Variants in JMJD1C observed in about 807,000 individuals in gnomAD.
JMJD1C encodes the protein jumonji domain containing 1C.
Under a neutral mutation model 245.3 loss-of-function variants are expected in JMJD1C, and 31 were observed. That is an observed-to-expected ratio of 0.13 (90% CI 0.09 to 0.17). JMJD1C has a LOEUF of 0.17. JMJD1C is among the 10% of genes least tolerant of loss of function. The pLI is 1.00. For synonymous variants in JMJD1C, 1,057 were observed against 1,017.4 expected, an observed-to-expected ratio of 1.04 and a Z score of -0.74; for missense variants, 2,691 against 3,000.2, an observed-to-expected ratio of 0.90 and a Z score of 2.41.
intron 1 of JMJD1C, among the ~76,000 whole-genome samples, chr10:63,483,594 T>C (rs541295460): frequency 2.6e-5 from 4 of 152,248 alleles, no homozygotes; most frequent in African/African-American, 4.8e-5. Context: ...AGTAGCATTA[T>C]AATAACAACC....
chr10:63,322,543 G>A (rs1053321736), intron 2 of JMJD1C, among the ~76,000 whole-genome samples: 3 of 151,998 alleles, frequency 2.0e-5, no homozygotes, highest in Non-Finnish European at 4.4e-5. Flanking sequence ...GGCCAGGCAC[G>A]GTGGCTCACA....
At chr10:63,358,154 G>C (rs933507691) in intron 2 of JMJD1C, among the ~76,000 whole-genome samples, 6 of 152,024 alleles carry the variant, frequency 3.9e-5, no homozygotes, top group African/African-American at 1.4e-4. Flanking sequence ...ACTTATAATG[G>C]AAAGGTCAAG....
intron 2 of JMJD1C, among the ~76,000 whole-genome samples, chr10:63,369,688 C>CA (rs1158037174): frequency 6.6e-6 from 1 of 152,158 alleles, no homozygotes. Flanking sequence ...TGTAGACGTT[C>CA]AAATATATTC....
chr10:63,488,674 A>G (rs1954074139), intron 1 of JMJD1C, among the ~76,000 whole-genome samples: 1 of 152,220 alleles, frequency 6.6e-6, no homozygotes. Context: ...AGTGTTTTAT[A>G]TGACTTATAT....
At chr10:63,392,453 T>A (rs1948128927) in intron 1 of JMJD1C, among the ~76,000 whole-genome samples, 1 of 152,088 alleles carries the variant, frequency 6.6e-6, no homozygotes, top group South Asian at 2.1e-4. Flanking sequence ...AGAAAGTATT[T>A]GCAAGCTACT....
At chr10:63,224,390 T>C (rs1848995469) in intron 3 of JMJD1C, among the ~76,000 whole-genome samples, 1 of 152,202 alleles carries the variant, frequency 6.6e-6, no homozygotes, top group Non-Finnish European at 1.5e-5. Flanking sequence ...AACTACCTGG[T>C]TAATTAAAAC....
chr10:63,382,846 T>C lies in JMJD1C; in HGVS notation c.169-2364A>G, dbSNP rs201592049. 5 of 455,952 alleles carry C rather than the reference T, an allele frequency of 1.1e-5. No individual in the cohort carries two copies. In the East Asian group the frequency reaches 3.5e-4, roughly 32 times the overall value. The allele number at this position is 455,952 out of a possible 1,614,324, so 28.2% of individuals were successfully genotyped here. A position where few individuals can be genotyped will look rare whatever the true frequency, so the allele number is the denominator to read the frequency against. ...ACTTATTTGAATCATGGTTGCTCTT[T>C]TGGCCTAGCTCAAGTTCTTCCATGA... On this transcript the variant is annotated intron_variant, in intron 1 of 25. Coordinates refer to ENST00000399262, the MANE Select transcript of JMJD1C (RefSeq NM_032776.3).
chr10:63,242,571 CAA>C (rs763597697), intron 3 of JMJD1C, among the ~76,000 whole-genome samples: 38 of 152,190 alleles, frequency 2.5e-4, no homozygotes, highest in Non-Finnish European at 4.6e-4. Context: ...TCTAAAAATA[CAA>C]AAATTAGCTG....
chr10:63,506,239 G>C (rs1433565663), intron 1 of JMJD1C, among the ~76,000 whole-genome samples: 1 of 152,172 alleles, frequency 6.6e-6, no homozygotes, highest in African/African-American at 2.4e-5. Context: ...AGGAAATGTT[G>C]ATGAGAAGAA....
intron 3 of JMJD1C, among the ~76,000 whole-genome samples, chr10:63,264,182 C>G (rs1245206042): frequency 6.6e-6 from 1 of 151,816 alleles, no homozygotes; most frequent in African/African-American, 2.4e-5. Flanking sequence ...TAATGGAGAA[C>G]TGAAATTTAT....
chr10:63,211,625 A>G (rs1365341919), intron 8 of JMJD1C, among the ~76,000 whole-genome samples: 1 of 151,994 alleles, frequency 6.6e-6, no homozygotes, highest in Non-Finnish European at 1.5e-5. Context: ...TGTAAAAAAT[A>G]TTATCCCTGA....
intron 1 of JMJD1C, among the ~76,000 whole-genome samples, chr10:63,514,712 A>T (rs1475548002): frequency 1.3e-5 from 2 of 151,954 alleles, no homozygotes; most frequent in African/African-American, 4.8e-5. Context: ...CAGACCCCAA[A>T]CCTCAGCATC....
intron 1 of JMJD1C, among the ~76,000 whole-genome samples, chr10:63,389,321 AAAAAAAAGAAAAAG>A (rs1947863875): frequency 6.7e-6 from 1 of 150,324 alleles, no homozygotes; most frequent in Admixed American, 6.6e-5. Flanking sequence ...CAAAAAAAAA[AAAAAAAAGAAAAAG>A]AAAAAAGATC....
upstream of JMJD1C, among the ~76,000 whole-genome samples, chr10:63,469,896 T>A (rs1000300507): frequency 2.0e-5 from 3 of 152,180 alleles, no homozygotes; most frequent in African/African-American, 7.2e-5. Flanking sequence ...TAAATTTATG[T>A]TACCATTTTT....
chr10:63,265,040 T>C (rs990007938), intron 2 of JMJD1C, among the ~76,000 whole-genome samples: 1 of 152,166 alleles, frequency 6.6e-6, no homozygotes, highest in Admixed American at 6.5e-5. Context: ...TAATAAAATA[T>C]GCATGTGTGT....
intron 1 of JMJD1C, among the ~76,000 whole-genome samples, chr10:63,486,137 T>TAAAAAAAAAAAAAAAAA (rs1166721473): frequency 2.7e-5 from 2 of 73,290 alleles, no homozygotes; most frequent in African/African-American, 1.6e-4. Flanking sequence ...CAAGCAATTG[T>TAAAAAAAAAAAAAAAAA]AAAAAAAAAA....
intron 3 of JMJD1C, among the ~76,000 whole-genome samples, chr10:63,225,752 C>T (rs1406161887): frequency 1.3e-5 from 2 of 151,296 alleles, no homozygotes; most frequent in South Asian, 2.1e-4. Context: ...GCACTCCAGC[C>T]CGGGCAGCAA....
chr10:63,401,900 C>T (rs976817662), intron 1 of JMJD1C, among the ~76,000 whole-genome samples: 5 of 151,988 alleles, frequency 3.3e-5, no homozygotes, highest in African/African-American at 1.2e-4. Context: ...TTTGGGAGGC[C>T]GAGGCAGGCA....
At chr10:63,468,192 C>G (rs936340133), upstream of JMJD1C, among the ~76,000 whole-genome samples, 1 of 152,116 alleles carries the variant, frequency 6.6e-6, no homozygotes, top group Non-Finnish European at 1.5e-5. Context: ...TATTTTTAAT[C>G]AAGTATCTTA....
Sources: gnomAD v4.1 joint callset for allele counts (sites outside exome capture counted in the v4.1 genomes callset) on GRCh38, gnomAD v4.1.1 for gene constraint, MANE v1.5 for transcripts, NCBI Gene and HGNC (gene_info 2026-07-23, HGNC 2026-07-21) for gene names.